Variants in CCDC146 observed in about 807,000 individuals in gnomAD.
The protein encoded by CCDC146 is coiled-coil domain-containing protein 146.
In CCDC146, 92 loss-of-function variants were observed where a neutral mutation model predicts 119.3. The observed-to-expected ratio is 0.77, with a 90% confidence interval of 0.65 to 0.92. The LOEUF (loss-of-function observed/expected upper bound fraction) is 0.92. Ranked by LOEUF, CCDC146 falls within the 40% of genes least tolerant of loss-of-function variation. The probability of loss-of-function intolerance (pLI) is 0.00; values close to 1 mark genes in which losing one functional copy is unlikely to be tolerated. For synonymous variants in CCDC146, 372 were observed against 371.8 expected (o/e 1.00, Z -0.01); for missense variants, 1,000 against 1,103.0 (o/e 0.91, Z 1.32).
At chr7:77,160,016 T>A (rs1374321651) in intron 1 of CCDC146, among the ~76,000 whole-genome samples, 4 of 152,244 alleles carry the variant, frequency 2.6e-5, no homozygotes, top group Admixed American at 6.5e-5. Context: ...CACCATTTTT[T>A]AAATAGGGAA....
chr7:77,274,691 G>C, intron 11 of CCDC146, 39 bp downstream of exon 11: 1 of 1,542,676 alleles, frequency 6.5e-7, no homozygotes, highest in Non-Finnish European at 8.9e-7. Context: ...ATAACTACAA[G>C]AGTTCAGGGT....
intron 2 of CCDC146, among the ~76,000 whole-genome samples, chr7:77,236,664 T>C (rs185040691): frequency 3.3e-5 from 5 of 152,326 alleles, no homozygotes; most frequent in East Asian, 3.9e-4. Flanking sequence ...AAATTTTTTT[T>C]AGAGTTAGAA....
At chr7:77,254,588 T>C in intron 5 of CCDC146, 25 bp downstream of exon 5, 1 of 1,247,728 alleles carries the variant, frequency 8.0e-7, no homozygotes, top group Non-Finnish European at 1.2e-6. Context: ...ATATAGAGTT[T>C]CTTAAATACA....
In CCDC146 at chr7:77,196,914, C is replaced by A; in HGVS notation, c.156+29090C>A. 1 of 1,613,826 alleles carries A rather than the reference C, an allele frequency of 6.2e-7. No homozygotes were observed. Among genetic ancestry groups the A allele is most frequent in the Non-Finnish European group, 8.5e-7 (1 of 1,179,940 alleles). Reference sequence around the variant, plus strand: ...CTACTATTTTTGGGATCAGGTGTAACTCTGTAGGTCTCACTGCTTCTTTTG... The same window carrying A: ...CTACTATTTTTGGGATCAGGTGTAAATCTGTAGGTCTCACTGCTTCTTTTG... On this transcript the variant is annotated intron_variant, in intron 2 of 18. Coordinates refer to ENST00000285871, the MANE Select transcript of CCDC146 (RefSeq NM_020879.3). This position sits in a 1 kb window ranked among gnomAD's most constrained non-coding sequence, Gnocchi z 4.2.
At chr7:77,225,152 T>G (rs1792485403) in intron 2 of CCDC146, among the ~76,000 whole-genome samples, 1 of 152,220 alleles carries the variant, frequency 6.6e-6, no homozygotes, top group African/African-American at 2.4e-5. Context: ...CACTAAGATA[T>G]TATACTACAT....
chr7:77,259,996 G>C lies in CCDC146; in HGVS notation c.759-13G>C, dbSNP rs200964368. ...TGTGTGTGTGTGTGTGTGTGTGTGT[G>C]TATCCCCTACAGAGAAATGGAAAAG... On this transcript the variant is annotated splice_polypyrimidine_tract_variant and intron_variant, in intron 7 of 18. Coordinates refer to ENST00000285871, the MANE Select transcript of CCDC146 (RefSeq NM_020879.3). 2.1e-6 allele frequency: 2 copies of C among 960,244 alleles called. No individual in the cohort carries two copies. Among genetic ancestry groups the C allele is most frequent in the Non-Finnish European group, 1.6e-6 (1 of 619,438 alleles). The allele number at this position is 960,244 out of a possible 1,614,324, so 59.5% of individuals were successfully genotyped here. A position where few individuals can be genotyped will look rare whatever the true frequency, so the allele number is the denominator to read the frequency against.
chr7:77,274,455 A>G, intron 10 of CCDC146, 27 bp from the exon 11 acceptor site: 2 of 1,364,466 alleles, frequency 1.5e-6, no homozygotes, highest in Non-Finnish European at 2.0e-6. Flanking sequence ...AATAACTTAT[A>G]ATATTATCTG....
intron 2 of CCDC146, among the ~76,000 whole-genome samples, chr7:77,171,439 C>T (rs556741851): frequency 1.2e-4 from 19 of 152,270 alleles, no homozygotes; most frequent in Non-Finnish European, 1.8e-4. Flanking sequence ...GTGAGAAGAC[C>T]GGAGGGATAA....
At chr7:77,199,357 T>C (rs372304002) in intron 2 of CCDC146, 1 of 1,613,972 alleles carries the variant, frequency 6.2e-7, no homozygotes, top group Non-Finnish European at 8.5e-7. Flanking sequence ...CTCTTTGGCA[T>C]TCTTTAGCTC....
chr7:77,161,569 T>C (rs539747578), intron 1 of CCDC146, among the ~76,000 whole-genome samples: 1 of 142,544 alleles, frequency 7.0e-6, no homozygotes, highest in African/African-American at 2.6e-5. Context: ...TTCTCACTCA[T>C]AGGTTGGAAT....
intron 11 of CCDC146, 73 bp from the exon 12 acceptor site, chr7:77,278,679 A>AG: frequency 9.7e-7 from 1 of 1,031,950 alleles, no homozygotes. Context: ...CTTTAATGGA[A>AG]GGGAATGATG....
At chr7:77,259,985 TG>T in intron 7 of CCDC146, 23 bp from the exon 8 acceptor site, 1 of 735,484 alleles carries the variant, frequency 1.4e-6, no homozygotes, top group Non-Finnish European at 2.2e-6. Flanking sequence ...TGTGTGTGTG[TG>T]TGTGTGTGTG....
intron 1 of CCDC146, among the ~76,000 whole-genome samples, chr7:77,146,332 G>C (rs1250147213): frequency 6.6e-6 from 1 of 152,048 alleles, no homozygotes; most frequent in African/African-American, 2.4e-5. Flanking sequence ...TGGGTCTCCT[G>C]AATACAGCAC....
chr7:77,163,499 T>C (rs1223779406), intron 1 of CCDC146, among the ~76,000 whole-genome samples: 1 of 152,124 alleles, frequency 6.6e-6, no homozygotes, highest in Non-Finnish European at 1.5e-5. Flanking sequence ...AGATGCACTA[T>C]ACTTTGCAAC....
In CCDC146 at chr7:77,274,619, G is replaced by A; in HGVS notation, c.1407G>A (p.Lys469=). ...TGACTCAAATCAAAATTGATGAAAA[G>A]GAACAAAAGTCCAAGGATTTCCTGA... ...LRMTQIKIDE[K]EQKSKDFLKA... is the part of the protein sequence containing the mutation. The change falls in exon 11 of 19, where the codon AAG becomes AAA. Residue 469 remains lysine, a synonymous_variant. Coordinates refer to ENST00000285871, the MANE Select transcript of CCDC146 (RefSeq NM_020879.3). 1 of 1,610,038 alleles carries A rather than the reference G, an allele frequency of 6.2e-7. No individual in the cohort carries two copies. The highest frequency in any genetic ancestry group is 1.1e-5 in the South Asian group (1 of 90,406).
intron 1 of CCDC146, among the ~76,000 whole-genome samples, chr7:77,150,635 G>A (rs1168078260): frequency 6.6e-6 from 1 of 152,106 alleles, no homozygotes; most frequent in Non-Finnish European, 1.5e-5. Context: ...GCCACTTTGG[G>A]AACCAATTTG....
Position 77,220,469 on chromosome 7 carries a change from C to T in CCDC146, c.157-16478C>T, listed in dbSNP as rs1378669114. 4.6e-5 allele frequency among the ~76,000 whole-genome samples: 7 copies of T among 152,154 alleles called. No individual in the cohort carries two copies. The East Asian group carries it at 1.2e-3, about 25-fold the overall frequency. ...TGAGGTGACATACATCCTCAGCTTA[C>T]GAAGATGACGGGATTAAGAGATTAA... On this transcript the variant is annotated intron_variant, in intron 2 of 18. Coordinates refer to ENST00000285871, the MANE Select transcript of CCDC146 (RefSeq NM_020879.3).
In CCDC146 at chr7:77,254,507, T is replaced by C. The variant is rs1159669220; in HGVS notation, c.451T>C (p.Leu151=). The change falls in exon 5 of 19, where the codon TTA becomes CTA. Residue 151 remains leucine (L), a splice_region_variant and synonymous_variant. Transcript: ENST00000285871. ...AAACTTGATTTTTTTTTTTTGCAGC[T>C]TAAAGGAAGAAAAAATCATCATAGT... is the stretch of plus-strand genomic sequence containing the variant. ...EFHNQYRLNS[L]KEEKIIIVKE... 6.6e-7 allele frequency: 1 copy of C among 1,518,164 alleles called. No individual in the cohort carries two copies. The highest frequency in any genetic ancestry group is 2.3e-5 in the East Asian group (1 of 44,226). 94.0% of individuals were successfully genotyped at this position (1,518,164 alleles called of 1,614,324 possible).
At chr7:77,177,010 A>G (rs536267495) in intron 2 of CCDC146, among the ~76,000 whole-genome samples, 1 of 150,832 alleles carries the variant, frequency 6.6e-6, no homozygotes, top group East Asian at 2.0e-4. Context: ...TGATTTTTGT[A>G]TTTTATGTAG....
Sources: allele counts gnomAD v4.1 joint callset (sites outside exome capture counted in the v4.1 genomes callset), GRCh38; gene constraint gnomAD v4.1.1; non-coding constraint Gnocchi (gnomAD v3.1); transcripts MANE v1.5; gene names NCBI Gene and HGNC (gene_info 2026-07-23, HGNC 2026-07-21).